The following TRAPPC11 variants were observed in gnomAD, a reference collection of about 807,000 sequenced individuals.
TRAPPC11 encodes trafficking protein particle complex subunit 11.
TRAPPC11 carries 104 observed loss-of-function variants against 151.2 expected under a neutral mutation model. The observed-to-expected ratio is 0.69, with a 90% CI of 0.59 to 0.81. The LOEUF is 0.81. Ranked by LOEUF, TRAPPC11 falls within the 30% of genes least tolerant of loss-of-function variation. TRAPPC11 has a pLI of 0.00. For synonymous variants in TRAPPC11, 456 were observed against 472.3 expected (o/e 0.97, Z 0.45); for missense variants, 1,230 against 1,349.6 (o/e 0.91, Z 1.39).
intron 5 of TRAPPC11, among the ~76,000 whole-genome samples, chr4:183,670,584 T>A (rs192704648): frequency 6.6e-6 from 1 of 152,338 alleles, no homozygotes; most frequent in Non-Finnish European, 1.5e-5. Flanking sequence ...AAAATGGCTC[T>A]GGAAAATATT....
Position 183,691,446 on chromosome 4 carries a change from C to G in TRAPPC11, c.2024C>G (p.Thr675Ser), listed in dbSNP as rs1238444471. 6.6e-7 allele frequency: 1 copy of G among 1,508,712 alleles called. No individual in the cohort carries two copies. Among genetic ancestry groups the G allele is most frequent in the African/African-American group, 1.4e-5 (1 of 73,554 alleles). The allele number at this position is 1,508,712 out of a possible 1,614,324, so 93.5% of individuals were successfully genotyped here. A position where few individuals can be genotyped will look rare whatever the true frequency, so the allele number is the denominator to read the frequency against. Residue 675 changes from threonine to serine, a missense_variant, in exon 19 of 30, where the codon ACT (threonine) becomes AGT (serine). Physicochemically the swap from Thr to Ser is moderately conservative, Grantham distance 58. Coordinates refer to ENST00000334690, the MANE Select transcript of TRAPPC11 (RefSeq NM_021942.6). ...RKLLFKFVAK[T>S]EDVGKKIEIT... ...CTGTTATTTAAGTTTGTTGCAAAAACTGAAGATGTGGGAAAGAAAATTGAG... is the reference window on the plus strand; with the variant it reads ...CTGTTATTTAAGTTTGTTGCAAAAAGTGAAGATGTGGGAAAGAAAATTGAG...
At chr4:183,707,973 AC>A (rs1737161078) in intron 28 of TRAPPC11, among the ~76,000 whole-genome samples, 2 of 152,212 alleles carry the variant, frequency 1.3e-5, no homozygotes, top group Admixed American at 1.3e-4. Flanking sequence ...AATCCTTAAA[AC>A]AAAACAAACT....
rs548175068 is a variant in TRAPPC11 at position 183,684,639 on chromosome 4, A to G, written c.1422-57A>G. The G allele has an allele frequency of 3.8e-6, 6 of 1,568,708 alleles. No individual in the cohort carries two copies. In the South Asian group the frequency reaches 5.8e-5, roughly 15 times the overall value. ...GAGGAAAGTATTTTTTTCTCCATGA[A>G]CTCTTCGAACCCTTTCTTGTGAAGC... On this transcript the variant is annotated intron_variant, in intron 14 of 29. Transcript: ENST00000334690.
At chr4:183,671,320 A>G (rs926192870) in intron 5 of TRAPPC11, among the ~76,000 whole-genome samples, 2 of 152,160 alleles carry the variant, frequency 1.3e-5, no homozygotes, top group Non-Finnish European at 2.9e-5. Flanking sequence ...CATAAATTAA[A>G]AATTGGAACT....
chr4:183,702,879 G>C (rs1736871123), intron 26 of TRAPPC11, among the ~76,000 whole-genome samples: 1 of 152,130 alleles, frequency 6.6e-6, no homozygotes, highest in Admixed American at 6.6e-5. Flanking sequence ...CTAGTTTTAA[G>C]GGAATGTTTA....
chr4:183,708,028 C>T (rs1186136775), intron 28 of TRAPPC11, among the ~76,000 whole-genome samples: 5 of 152,030 alleles, frequency 3.3e-5, no homozygotes, highest in Non-Finnish European at 5.9e-5. Flanking sequence ...GACATAATGT[C>T]TACAAGTAGA....
At chr4:183,696,743 T>C (rs1328405060) in intron 23 of TRAPPC11, among the ~76,000 whole-genome samples, 2 of 152,210 alleles carry the variant, frequency 1.3e-5, no homozygotes, top group African/African-American at 4.8e-5. Flanking sequence ...TGTAGCATGT[T>C]GGTTAAGAGT....
intron 19 of TRAPPC11, 93 bp from the exon 20 acceptor site, chr4:183,692,867 G>A: frequency 1.7e-6 from 2 of 1,151,766 alleles, no homozygotes; most frequent in East Asian, 2.5e-5. Context: ...TGAACTCCAT[G>A]GTCTTAGCAG....
At position 183,679,437 on chromosome 4, in the gene TRAPPC11, A is replaced by G. The variant is rs773173688; in HGVS notation, c.916A>G (p.Ile306Val). 1.2e-6 allele frequency: 2 copies of G among 1,613,172 alleles called. No homozygotes were observed. Among genetic ancestry groups the G allele is most frequent in the Admixed American group, 1.7e-5 (1 of 59,886 alleles). The change falls in exon 9 of 30, where the codon ATT becomes GTT. Residue 306 changes from isoleucine (I) to valine (V), a missense_variant. Ile to Val is a conservative substitution (Grantham distance 29, BLOSUM62 3). Transcript: ENST00000334690. ...RKHIDLCKKK[I>V]GSAELSFEHD... The stretch of plus-strand genomic sequence containing the variant: ...ACACATCGACTTGTGTAAGAAAAAG[A>G]TTGGAAGTGCAGAGCTGTCTTTTGA...
At chr4:183,703,705 C>T (rs1736909621) in intron 26 of TRAPPC11, among the ~76,000 whole-genome samples, 1 of 152,120 alleles carries the variant, frequency 6.6e-6, no homozygotes, top group Non-Finnish European at 1.5e-5. Flanking sequence ...AGATGCTTTG[C>T]CTGTTGCTTT....
intron 5 of TRAPPC11, among the ~76,000 whole-genome samples, chr4:183,668,640 T>C (rs1735001135): frequency 6.6e-6 from 1 of 152,214 alleles, no homozygotes; most frequent in African/African-American, 2.4e-5. Flanking sequence ...GAGCTGTCGA[T>C]GTATCTATGT....
Position 183,664,036 on chromosome 4 carries a change from C to T in TRAPPC11, c.169C>T (p.Pro57Ser). The T allele has an allele frequency of 6.2e-7, 1 of 1,613,366 alleles. No homozygotes were observed. The highest frequency in any genetic ancestry group is 8.5e-7 in the Non-Finnish European group (1 of 1,179,976). The change falls in exon 2 of 30, where the codon CCA (proline) becomes TCA (serine). Residue 57 changes from proline (P) to serine (S), a missense_variant. By Grantham distance (74) the Pro-to-Ser change is moderately conservative. Transcript: ENST00000334690. ...AGTACCAATTTCTTTCAAGGTGCTC[C>T]CAGGTGACCATGAGTATCCCAAATG... ...DRVPISFKVL[P>S]GDHEYPKCRP...
At chr4:183,677,940 C>CTTT (rs199638936) in intron 8 of TRAPPC11, among the ~76,000 whole-genome samples, 1 of 140,378 alleles carries the variant, frequency 7.1e-6, no homozygotes, top group East Asian at 2.1e-4. Flanking sequence ...TTAGAGGAAA[C>CTTT]TTTTTTTTTT....
intron 10 of TRAPPC11, among the ~76,000 whole-genome samples, chr4:183,681,772 C>G (rs77812877): frequency 1.6e-5 from 2 of 122,610 alleles, no homozygotes; most frequent in Non-Finnish European, 3.6e-5. Flanking sequence ...AACTCTGTCT[C>G]AAAAAGAAAA....
rs887650701 is a variant in TRAPPC11, at chr4:183,693,976, G to A, written c.2446G>A (p.Asp816Asn). 1.2e-6 allele frequency: 2 copies of A among 1,614,074 alleles called. No individual in the cohort carries two copies. The highest frequency in any genetic ancestry group is 2.7e-5 in the African/African-American group (2 of 75,034). ...HVTLHGTELCDESYPALLTDI... is the reference protein window; with the variant it reads ...HVTLHGTELCNESYPALLTDI... ...GACTCTTCATGGAACAGAACTGTGT[G>A]ATGAATCCTACCCGGCTTTACTCAC... is the stretch of plus-strand genomic sequence containing the variant. The change falls in exon 22 of 30, where the codon GAT becomes AAT. Residue 816 changes from aspartate (D) to asparagine (N), a missense_variant. Coordinates refer to ENST00000334690, the MANE Select transcript of TRAPPC11 (RefSeq NM_021942.6).
intron 27 of TRAPPC11, chr4:183,706,098 A>ACC (rs138179197): frequency 0.14 from 20,770 of 149,910 alleles, 2,184 homozygotes; most frequent in African/African-American, 0.17. Context: ...ACACACACAC[A>ACC]CCCACCAAAC....
chr4:183,706,526 A>G (rs1388141366), intron 27 of TRAPPC11, among the ~76,000 whole-genome samples: 1 of 151,766 alleles, frequency 6.6e-6, no homozygotes, highest in Non-Finnish European at 1.5e-5. Context: ...CCGCCTCAAA[A>G]AAAAAAAAAA....
intron 10 of TRAPPC11, among the ~76,000 whole-genome samples, chr4:183,681,771 T>TTA (rs1579186075): frequency 1.1e-4 from 5 of 46,412 alleles, no homozygotes; most frequent in African/African-American, 3.8e-4. Context: ...CAACTCTGTC[T>TTA]CAAAAAGAAA....
Position 183,675,240 on chromosome 4 carries a change from A to ATT in TRAPPC11, c.734+3_734+4insTT. ...CAAGATACACAAAATGCGCTGAAGTAAGTTAAGCTTTCAAACTAAATGTTT... is the reference window on the plus strand; with the variant it reads ...CAAGATACACAAAATGCGCTGAAGTATTAGTTAAGCTTTCAAACTAAATGTTT... On this transcript the variant is annotated splice_donor_region_variant and intron_variant, in intron 7 of 29. Coordinates refer to ENST00000334690, the MANE Select transcript of TRAPPC11 (RefSeq NM_021942.6). 6.6e-7 allele frequency: 1 copy of ATT among 1,519,538 alleles called. No homozygotes were observed. The highest frequency in any genetic ancestry group is 8.9e-7 in the Non-Finnish European group (1 of 1,128,914). 94.1% of individuals were successfully genotyped at this position (1,519,538 alleles called of 1,614,324 possible).
Sources: allele counts gnomAD v4.1 joint callset (sites outside exome capture counted in the v4.1 genomes callset), GRCh38; gene constraint gnomAD v4.1.1; transcripts MANE v1.5; gene names NCBI Gene and HGNC (gene_info 2026-07-23, HGNC 2026-07-21).